The following PLEKHH2 variants were observed in gnomAD, a reference collection of about 807,000 sequenced individuals.
The protein encoded by PLEKHH2 is pleckstrin homology, MyTH4 and FERM domain containing H2.
PLEKHH2 carries 129 observed loss-of-function variants against 187.9 expected under a neutral mutation model. The observed-to-expected ratio is 0.69, with a 90% CI of 0.59 to 0.79. The LOEUF is 0.79. Among genes scored for constraint, PLEKHH2 ranks in the 30% least tolerant of loss-of-function variants. The probability of loss-of-function intolerance (pLI) is 0.00; values close to 1 mark genes in which losing one functional copy is unlikely to be tolerated. For synonymous variants in PLEKHH2, 686 were observed against 605.6 expected, an observed-to-expected ratio of 1.13 and a Z score of -1.95; for missense variants, 2,076 against 1,751.2, an observed-to-expected ratio of 1.19 and a Z score of -3.31.
chr2:43,659,774 G>T (rs1290792295), intron 2 of PLEKHH2, among the ~76,000 whole-genome samples: 1 of 151,824 alleles, frequency 6.6e-6, no homozygotes, highest in Non-Finnish European at 1.5e-5. Flanking sequence ...GGCCAGGCTG[G>T]TCTCGAACTC....
chr2:43,706,446 G>T, intron 10 of PLEKHH2, 30 bp downstream of exon 10: 2 of 1,433,158 alleles, frequency 1.4e-6, no homozygotes, highest in Non-Finnish European at 1.9e-6. Flanking sequence ...GTTAAAACAT[G>T]TGCTTCTCTT....
At chr2:43,740,861 A>G in intron 20 of PLEKHH2, 85 bp from the exon 21 acceptor site, 1 of 1,532,996 alleles carries the variant, frequency 6.5e-7, no homozygotes. Flanking sequence ...GTTAAGAGAG[A>G]CTGTCATCAG....
intron 4 of PLEKHH2, among the ~76,000 whole-genome samples, 159 bp downstream of exon 4, chr2:43,692,822 A>G (rs1386845377): frequency 6.6e-6 from 1 of 152,202 alleles, no homozygotes; most frequent in Non-Finnish European, 1.5e-5. Flanking sequence ...GAAAGGTGCA[A>G]GTAAAATGGC....
At chr2:43,729,783 A>G in intron 18 of PLEKHH2, 38 bp downstream of exon 18, 1 of 1,421,246 alleles carries the variant, frequency 7.0e-7, no homozygotes, top group Non-Finnish European at 9.5e-7. Context: ...TTTATGGTTA[A>G]TGAAATGGAC....
At chr2:43,704,985 T>A (rs978806147) in intron 9 of PLEKHH2, among the ~76,000 whole-genome samples, 7 of 152,148 alleles carry the variant, frequency 4.6e-5, no homozygotes. Context: ...GGTAAAAATA[T>A]AGGCTTCTAT....
chr2:43,692,213 C>T lies in PLEKHH2; in HGVS notation c.187-301C>T, dbSNP rs145243715. 670 of 173,470 alleles carry T rather than the reference C, an allele frequency of 3.9e-3. 5 individuals are homozygous for T. Among genetic ancestry groups the T allele is most frequent in the African/African-American group, 0.015 (616 of 42,022 alleles). The allele number at this position is 173,470 out of a possible 1,614,324, so 10.7% of individuals were successfully genotyped here. On this transcript the variant is annotated intron_variant, in intron 3 of 29. Coordinates refer to ENST00000282406, the MANE Select transcript of PLEKHH2 (RefSeq NM_172069.4). ...TGAAAAAATGAGGGCTGGAAACTTT[C>T]TGTTTCTATACTCATATAAACACTT... is the stretch of plus-strand genomic sequence containing the variant.
At chr2:43,680,143 A>T (rs1476188352) in intron 3 of PLEKHH2, among the ~76,000 whole-genome samples, 1 of 152,190 alleles carries the variant, frequency 6.6e-6, no homozygotes, top group Non-Finnish European at 1.5e-5. Flanking sequence ...ATTCAGTTTA[A>T]TCAATGAGTT....
At chr2:43,658,750 C>G (rs1040572531) in intron 2 of PLEKHH2, 1 of 152,160 alleles carries the variant, frequency 6.6e-6, no homozygotes, top group African/African-American at 2.4e-5. Context: ...AGATGCAGTG[C>G]GTCTTATGAC....
At chr2:43,658,963 T>C (rs1019994292) in intron 2 of PLEKHH2, 3 of 146,218 alleles carry the variant, frequency 2.1e-5, no homozygotes, top group African/African-American at 7.7e-5. Context: ...TTTAAGACTT[T>C]TTTTTCTTTC....
rs141721223 is a variant in PLEKHH2 at position 43,766,370 on chromosome 2, A to T, written c.*772A>T. ...GGGTCATTTTGACCTTGCTTTGTTAATAATATCTTTAAAAACAAAGACAAT... is the reference window on the plus strand; with the variant it reads ...GGGTCATTTTGACCTTGCTTTGTTATTAATATCTTTAAAAACAAAGACAAT... On this transcript the variant is annotated 3_prime_UTR_variant, in exon 30 of 30. Transcript: ENST00000282406. 1,158 of 152,902 alleles carry T rather than the reference A, an allele frequency of 7.6e-3. 6 individuals carry two copies. The highest frequency in any genetic ancestry group is 0.013 in the Non-Finnish European group (871 of 68,040). 9.5% of individuals were successfully genotyped at this position (152,902 alleles called of 1,614,324 possible). A position where few individuals can be genotyped will look rare whatever the true frequency, so the allele number is the denominator to read the frequency against.
chr2:43,745,231 A>G (rs1287656070), intron 23 of PLEKHH2, among the ~76,000 whole-genome samples: 1 of 151,944 alleles, frequency 6.6e-6, no homozygotes, highest in Non-Finnish European at 1.5e-5. Context: ...CAGGAGAATC[A>G]CTTGAACCCA....
rs148911172 is a variant in PLEKHH2 at position 43,745,672 on chromosome 2, A to G, written c.3556-194A>G. Among the ~76,000 whole-genome samples, 15 of 152,318 alleles carry G rather than the reference A, an allele frequency of 9.8e-5. No homozygotes were observed. In the East Asian group the frequency reaches 2.9e-3, roughly 29 times the overall value. On this transcript the variant is annotated intron_variant, in intron 23 of 29. Transcript: ENST00000282406. The stretch of plus-strand genomic sequence containing the variant: ...ACAGTCCAAAGTTAATGTGTGTCCA[A>G]AAGGATAAGTGGACCAAATAGCAAT...
Position 43,710,584 on chromosome 2 carries a change from CTT to C in PLEKHH2, c.2301+32_2301+33del, listed in dbSNP as rs376851824. The C allele has an allele frequency of 0.025, 30,246 of 1,193,492 alleles. 3 individuals are homozygous for C. Among genetic ancestry groups the C allele is most frequent in the African/African-American group, 0.054 (2,823 of 52,428 alleles). 73.9% of individuals were successfully genotyped at this position (1,193,492 alleles called of 1,614,324 possible). The stretch of plus-strand genomic sequence containing the variant: ...ACAAACAAACAGTTCAGGTACTTAA[CTT>C]TTTTTTTTTTTTTTTTTTTTTTGTA... On this transcript the variant is annotated intron_variant, in intron 14 of 29. Coordinates refer to ENST00000282406, the MANE Select transcript of PLEKHH2 (RefSeq NM_172069.4).
intron 7 of PLEKHH2, among the ~76,000 whole-genome samples, chr2:43,699,034 A>G (rs1337525053): frequency 6.6e-6 from 1 of 152,164 alleles, no homozygotes; most frequent in East Asian, 1.9e-4. Flanking sequence ...TGTATTTATT[A>G]TGCTTAAATT....
At chr2:43,734,508 A>C (rs1432658722) in intron 19 of PLEKHH2, among the ~76,000 whole-genome samples, 1 of 152,250 alleles carries the variant, frequency 6.6e-6, no homozygotes, top group Non-Finnish European at 1.5e-5. Flanking sequence ...AATGCTAAGC[A>C]TCGCTAATCA....
At chr2:43,643,248 T>C (rs1666031720) in intron 1 of PLEKHH2, among the ~76,000 whole-genome samples, 1 of 152,124 alleles carries the variant, frequency 6.6e-6, no homozygotes, top group African/African-American at 2.4e-5. Flanking sequence ...GGGCAAGGAT[T>C]CTATGAAAAC....
chr2:43,742,309 AT>A (rs71393204), intron 21 of PLEKHH2, among the ~76,000 whole-genome samples: 342 of 145,360 alleles, frequency 2.4e-3, no homozygotes, highest in Middle Eastern at 0.011. Context: ...GCCTGAAGAC[AT>A]TTTTTTTTTT....
chr2:43,710,134 T>A lies in PLEKHH2; in HGVS notation c.2103+8T>A, dbSNP rs1343314991. The A allele has an allele frequency of 6.2e-7, 1 of 1,610,498 alleles. No individual in the cohort carries two copies. ...AGTGATAATGGGAAAAATGTAAATATTGAATATGATTTTTAAAAAGCAGTC... is the reference window on the plus strand; with the variant it reads ...AGTGATAATGGGAAAAATGTAAATAATGAATATGATTTTTAAAAAGCAGTC... On this transcript the variant is annotated splice_region_variant and intron_variant, in intron 12 of 29. Transcript: ENST00000282406.
chr2:43,682,939 TACACACAC>T (rs148292692), intron 3 of PLEKHH2, among the ~76,000 whole-genome samples: 1 of 149,746 alleles, frequency 6.7e-6, no homozygotes, highest in African/African-American at 2.5e-5. Context: ...GTTCCATATA[TACACACAC>T]ACACACACAC....
Sources: allele counts gnomAD v4.1 joint callset (sites outside exome capture counted in the v4.1 genomes callset), GRCh38; gene constraint gnomAD v4.1.1; transcripts MANE v1.5; gene names NCBI Gene and HGNC (gene_info 2026-07-23, HGNC 2026-07-21).